Variants in OSBP2 observed in about 807,000 individuals in gnomAD.
OSBP2 encodes the protein oxysterol-binding protein 2.
In OSBP2, 66 loss-of-function variants were observed where a neutral mutation model predicts 96.0. That is an observed-to-expected ratio of 0.69 (90% CI 0.56 to 0.84). The LOEUF is 0.84. OSBP2 is among the 40% of genes least tolerant of loss of function. OSBP2 has a pLI of 0.00. For synonymous variants in OSBP2, 525 were observed against 520.9 expected, an observed-to-expected ratio of 1.01 and a Z score of -0.11; for missense variants, 1,038 against 1,222.7, an observed-to-expected ratio of 0.85 and a Z score of 2.25.
chr22:30,883,239 C>T lies in OSBP2; in HGVS notation c.1108-4187C>T, dbSNP rs557657686. On this transcript the variant is annotated intron_variant, in intron 3 of 13. Coordinates refer to ENST00000332585, the MANE Select transcript of OSBP2 (RefSeq NM_030758.4). ...CACAGCCCTGGCCTCTGCACCCCTA[C>T]TTGCATCAGGCAGGCAAGGGGATCG... Among the ~76,000 whole-genome samples, 3 of 152,332 alleles carry T rather than the reference C, an allele frequency of 2.0e-5. No individual in the cohort carries two copies. In the East Asian group the frequency reaches 5.8e-4, roughly 29 times the overall value.
intron 1 of OSBP2, among the ~76,000 whole-genome samples, chr22:30,730,723 T>A (rs1395770753): frequency 1.1e-3 from 16 of 13,986 alleles, no homozygotes; most frequent in African/African-American, 3.5e-3. Flanking sequence ...CCTGTCTCTC[T>A]CTCTCTCTCT....
chr22:30,861,929 G>A (rs2039219421), intron 2 of OSBP2, among the ~76,000 whole-genome samples: 1 of 152,160 alleles, frequency 6.6e-6, no homozygotes, highest in African/African-American at 2.4e-5. Context: ...TCTCCCTGGA[G>A]CGGCATCTTC....
intron 12 of OSBP2, among the ~76,000 whole-genome samples, chr22:30,901,312 GC>G (rs1478580372): frequency 6.6e-6 from 1 of 152,152 alleles, no homozygotes; most frequent in African/African-American, 2.4e-5. Flanking sequence ...CAGGTGATCT[GC>G]CTGCCTCTGC....
chr22:30,887,805 C>G (rs2039848178), intron 4 of OSBP2, among the ~76,000 whole-genome samples, 187 bp downstream of exon 4: 1 of 152,260 alleles, frequency 6.6e-6, no homozygotes. Flanking sequence ...AACAGTTTGT[C>G]TGCACCTAGG....
chr22:30,870,615 G>A lies in OSBP2; in HGVS notation c.1040G>A (p.Gly347Glu). 1.2e-6 allele frequency: 2 copies of A among 1,614,004 alleles called. No individual in the cohort carries two copies. The highest frequency in any genetic ancestry group is 1.7e-6 in the Non-Finnish European group (2 of 1,180,016). ...GGCCTCAAGATCCCATCTGAGAGTG[G>A]GGAGAAGCTGAAGGTGGTGAATGAG... The part of the protein sequence containing the change: ...LDGLKIPSES[G>E]EKLKVVNERA... The change falls in exon 3 of 14, where the codon GGG becomes GAG. Residue 347 changes from glycine to glutamate, a missense_variant. Gly to Glu is a moderately conservative substitution (Grantham distance 98, BLOSUM62 -2). This residue lies in a region of OSBP2 where 737 missense variants were observed against 913.3 expected (regional missense o/e 0.81). Transcript: ENST00000332585. This position sits in a 1 kb window ranked among gnomAD's most constrained non-coding sequence, Gnocchi z 4.1.
intron 2 of OSBP2, among the ~76,000 whole-genome samples, chr22:30,794,529 T>C (rs1467952533): frequency 6.6e-6 from 1 of 152,014 alleles, no homozygotes; most frequent in African/African-American, 2.4e-5. Context: ...CCTCCCAAAG[T>C]GCTGGGATTA....
rs528099207 is a variant in OSBP2 at position 30,870,152 on chromosome 22, G to A, written c.854-277G>A. On this transcript the variant is annotated intron_variant, in intron 2 of 13. Coordinates refer to ENST00000332585, the MANE Select transcript of OSBP2 (RefSeq NM_030758.4). This position sits in a 1 kb window ranked among gnomAD's most constrained non-coding sequence, Gnocchi z 4.1. ...GCAGGTGGGTGCCTGTAGGCCTGCCGCCTCCAAAGCCCAGTCCCGGCCCTG... is the reference window on the plus strand; with the variant it reads ...GCAGGTGGGTGCCTGTAGGCCTGCCACCTCCAAAGCCCAGTCCCGGCCCTG... Among the ~76,000 whole-genome samples the A allele has an allele frequency of 5.3e-5, 8 of 152,248 alleles. No individual in the cohort carries two copies. The South Asian group carries it at 1.5e-3, about 28-fold the overall frequency.
intron 2 of OSBP2, among the ~76,000 whole-genome samples, chr22:30,863,493 A>G (rs2039267863): frequency 6.6e-6 from 1 of 152,200 alleles, no homozygotes; most frequent in Non-Finnish European, 1.5e-5. Context: ...GTGACAAAAT[A>G]GGATGCATGC....
At chr22:30,737,788 C>T (rs1400735667) in intron 1 of OSBP2, among the ~76,000 whole-genome samples, 1 of 151,804 alleles carries the variant, frequency 6.6e-6, no homozygotes, top group Non-Finnish European at 1.5e-5. Flanking sequence ...TCTCGGCTCA[C>T]CACAACCTCT....
chr22:30,795,708 G>A (rs2090750448), intron 2 of OSBP2, among the ~76,000 whole-genome samples: 1 of 151,820 alleles, frequency 6.6e-6, no homozygotes, highest in Admixed American at 6.6e-5. Context: ...TAGTAGAGAT[G>A]GGGTTTCTCC....
rs17820384 is a variant in OSBP2, at chr22:30,873,721, C to T, written c.1107+3039C>T. On this transcript the variant is annotated intron_variant, in intron 3 of 13. Coordinates refer to ENST00000332585, the MANE Select transcript of OSBP2 (RefSeq NM_030758.4). ...CTCGGACAGGGCAGACCCTCTTCCT[C>T]GTGAAATGCTGTGTGTTTTCCACTT... 2.0e-4 allele frequency among the ~76,000 whole-genome samples: 30 copies of T among 152,124 alleles called. No individual in the cohort carries two copies. In the South Asian group the frequency reaches 5.2e-3, roughly 26 times the overall value.
At chr22:30,883,771 A>T (rs959884162) in intron 3 of OSBP2, among the ~76,000 whole-genome samples, 4 of 151,934 alleles carry the variant, frequency 2.6e-5, no homozygotes, top group African/African-American at 9.7e-5. Context: ...AGGCACCCAG[A>T]GGGATACCGT....
In OSBP2 at chr22:30,695,228, G is replaced by A; in HGVS notation, c.319G>A (p.Gly107Arg). The A allele has an allele frequency of 6.2e-7, 1 of 1,613,292 alleles. No individual in the cohort carries two copies. Among genetic ancestry groups the A allele is most frequent in the Non-Finnish European group, 8.5e-7 (1 of 1,179,736 alleles). ...PSELLQGSRP[G>R]SESSSGVGAG... ...GGAACTGCTGCAGGGGTCGCGGCCG[G>A]GGTCAGAGTCAAGCTCAGGTGTAGG... The change falls in exon 1 of 14, where the codon GGG becomes AGG. Residue 107 changes from glycine to arginine, a missense_variant. Coordinates refer to ENST00000332585, the MANE Select transcript of OSBP2 (RefSeq NM_030758.4).
chr22:30,758,612 C>T (rs1224199450), intron 2 of OSBP2, among the ~76,000 whole-genome samples: 5 of 152,166 alleles, frequency 3.3e-5, no homozygotes, highest in African/African-American at 1.2e-4. Context: ...CCTGGAGAAG[C>T]CCTCTAGTTC....
Position 30,741,220 on chromosome 22 carries a change from T to C in OSBP2, c.704T>C (p.Ile235Thr), listed in dbSNP as rs989542358. ...RGTINLSTAH[I>T]DTEDSCGILL... ...ACCATCAACCTGTCCACCGCGCACA[T>C]TGACACGGAGGACTCTTGTGGTATC... is the stretch of plus-strand genomic sequence containing the variant. Residue 235 changes from isoleucine (I) to threonine (T), a missense_variant, in exon 2 of 14, where the codon ATT becomes ACT. By Grantham distance (89) the Ile-to-Thr change is moderately conservative. Around this residue, in one of 3 missense-constraint regions of OSBP2, gnomAD observed 737 missense variants for 913.3 expected, o/e 0.81. Coordinates refer to ENST00000332585, the MANE Select transcript of OSBP2 (RefSeq NM_030758.4). 5 of 1,614,188 alleles carry C rather than the reference T, an allele frequency of 3.1e-6. No individual in the cohort carries two copies. Among genetic ancestry groups the C allele is most frequent in the South Asian group, 2.2e-5 (2 of 91,088 alleles).
intron 2 of OSBP2, among the ~76,000 whole-genome samples, chr22:30,768,982 A>G (rs184550984): frequency 1.6e-3 from 245 of 152,264 alleles, no homozygotes; most frequent in African/African-American, 5.4e-3. Context: ...CCTGACCTAA[A>G]CCTGAGGCTG....
At chr22:30,742,772 T>C (rs138846175) in intron 2 of OSBP2, among the ~76,000 whole-genome samples, 19 of 152,330 alleles carry the variant, frequency 1.2e-4, no homozygotes, top group Middle Eastern at 3.4e-3. Context: ...CCTTATTTTG[T>C]TGTGACATAC....
At chr22:30,887,857 CCT>C (rs1403194708) in intron 4 of OSBP2, among the ~76,000 whole-genome samples, 3 of 152,206 alleles carry the variant, frequency 2.0e-5, no homozygotes, top group African/African-American at 7.2e-5. Flanking sequence ...CCAGCTGTCC[CCT>C]GTGTGACAGG....
chr22:30,694,793 G>A (rs1411613743), upstream of OSBP2: 1 of 588,864 alleles, frequency 1.7e-6, no homozygotes. Flanking sequence ...GGACCGCGGA[G>A]GAACCCGCGC....
Sources: gnomAD v4.1 joint callset for allele counts (sites outside exome capture counted in the v4.1 genomes callset) on GRCh38, gnomAD v4.1.1 for gene constraint, gnomAD v4.1.1 regional missense constraint, Gnocchi (gnomAD v3.1) non-coding constraint, MANE v1.5 for transcripts, NCBI Gene and HGNC (gene_info 2026-07-23, HGNC 2026-07-21) for gene names.